Variants in PPP3CC observed in about 807,000 individuals in gnomAD.
PPP3CC encodes serine/threonine-protein phosphatase 2B catalytic subunit gamma isoform.
Under a neutral mutation model 60.3 loss-of-function variants are expected in PPP3CC, and 35 were observed. The observed-to-expected ratio is 0.58, with a 90% CI of 0.44 to 0.77. The LOEUF is 0.77. Among genes scored for constraint, PPP3CC ranks in the 30% least tolerant of loss-of-function variants. PPP3CC has a pLI of 0.00. For missense variants in PPP3CC, 570 were observed against 628.9 expected (o/e 0.91, Z 1.00); for synonymous variants, 206 against 224.3 (o/e 0.92, Z 0.73).
intron 1 of PPP3CC, among the ~76,000 whole-genome samples, chr8:22,445,187 G>A (rs1439389342): frequency 6.6e-6 from 1 of 152,078 alleles, no homozygotes; most frequent in African/African-American, 2.4e-5. Flanking sequence ...TAATATCGTG[G>A]CACTGGGAAT....
intron 1 of PPP3CC, among the ~76,000 whole-genome samples, chr8:22,446,077 T>TA (rs1836812918): frequency 6.6e-6 from 1 of 152,360 alleles, no homozygotes; most frequent in African/African-American, 2.4e-5. Context: ...AAAATAGGAT[T>TA]AAAAATTTTT....
chr8:22,540,680 A>G lies in PPP3CC; in HGVS notation c.1417A>G (p.Ile473Val). 1 of 1,614,150 alleles carries G rather than the reference A, an allele frequency of 6.2e-7. No individual in the cohort carries two copies. Reference protein sequence around the residue: ...SFEEARGLDRINERMPPRKDS... With the variant: ...SFEEARGLDRVNERMPPRKDS... ...TGAAGAAGCGCGAGGTCTGGACCGAATTAATGAGCGAATGCCACCCCGAAA... is the reference window on the plus strand; with the variant it reads ...TGAAGAAGCGCGAGGTCTGGACCGAGTTAATGAGCGAATGCCACCCCGAAA... Residue 473 changes from isoleucine (I) to valine (V), a missense_variant, in exon 14 of 14, where the codon ATT becomes GTT. Coordinates refer to ENST00000240139, the MANE Select transcript of PPP3CC (RefSeq NM_005605.5).
chr8:22,518,225 C>A (rs1363064768), intron 6 of PPP3CC, among the ~76,000 whole-genome samples: 2 of 152,004 alleles, frequency 1.3e-5, no homozygotes, highest in African/African-American at 4.8e-5. Flanking sequence ...CCATGCCCAG[C>A]TAATTGTTTT....
At chr8:22,473,451 T>C (rs1429354414) in intron 1 of PPP3CC, among the ~76,000 whole-genome samples, 1 of 148,206 alleles carries the variant, frequency 6.7e-6, no homozygotes, top group Non-Finnish European at 1.5e-5. Flanking sequence ...AAAACATAAC[T>C]GGACTTCCCT....
intron 1 of PPP3CC, among the ~76,000 whole-genome samples, 167 bp downstream of exon 1, chr8:22,441,625 C>T (rs1160335280): frequency 2.6e-5 from 4 of 152,214 alleles, no homozygotes; most frequent in Admixed American, 6.5e-5. Context: ...CACCCGGACC[C>T]GGCGTTTTCT....
intron 3 of PPP3CC, among the ~76,000 whole-genome samples, chr8:22,484,399 T>C (rs1314082074): frequency 3.3e-5 from 5 of 152,232 alleles, no homozygotes; most frequent in East Asian, 1.9e-4. Flanking sequence ...TAAATTCTTA[T>C]GGCTTTTGTT....
chr8:22,496,100 T>A lies in PPP3CC; in HGVS notation c.373-1901T>A, dbSNP rs1466091238. Among the ~76,000 whole-genome samples the A allele has an allele frequency of 9.3e-5, 14 of 151,284 alleles. 1 individual carries two copies. Among genetic ancestry groups the A allele is most frequent in the African/African-American group, 1.5e-4 (6 of 41,336 alleles). On this transcript the variant is annotated intron_variant, in intron 3 of 13. Coordinates refer to ENST00000240139, the MANE Select transcript of PPP3CC (RefSeq NM_005605.5). ...TGGATCTAACTTTATGTTTTTTTTT[T>A]AAAATGGCAACCACTTGTCCCAGAG...
chr8:22,474,198 A>T (rs1391867142), intron 1 of PPP3CC, among the ~76,000 whole-genome samples: 2 of 152,038 alleles, frequency 1.3e-5, no homozygotes, highest in Admixed American at 1.3e-4. Context: ...CCCGGCCGAG[A>T]CTTCTAAAAC....
chr8:22,500,118 A>G (rs1419337974), intron 4 of PPP3CC, among the ~76,000 whole-genome samples: 1 of 152,222 alleles, frequency 6.6e-6, no homozygotes, highest in East Asian at 1.9e-4. Context: ...GGGCAGGCAC[A>G]TTTTAAAGAC....
intron 6 of PPP3CC, among the ~76,000 whole-genome samples, chr8:22,518,389 A>C (rs1839310557): frequency 6.6e-6 from 1 of 152,128 alleles, no homozygotes; most frequent in African/African-American, 2.4e-5. Flanking sequence ...TGTATTTGTG[A>C]ATTTTCCTGT....
intron 6 of PPP3CC, among the ~76,000 whole-genome samples, chr8:22,514,044 G>A (rs1266436387): frequency 2.6e-5 from 4 of 152,026 alleles, no homozygotes; most frequent in Admixed American, 1.3e-4. Flanking sequence ...CCAGGAGTTC[G>A]AGACCAGCCT....
At chr8:22,522,010 A>G (rs893903767) in intron 6 of PPP3CC, among the ~76,000 whole-genome samples, 13 of 151,470 alleles carry the variant, frequency 8.6e-5, no homozygotes, top group African/African-American at 3.2e-4. Context: ...GTATATATGT[A>G]TTCCTGCATA....
At position 22,527,535 on chromosome 8, in the gene PPP3CC, CAT is replaced by C. The variant is rs1445900659; in HGVS notation, c.1069+19_1069+20del. The C allele has an allele frequency of 6.2e-7, 1 of 1,611,870 alleles. No homozygotes were observed. Among genetic ancestry groups the C allele is most frequent in the Non-Finnish European group, 8.5e-7 (1 of 1,178,938 alleles). The stretch of plus-strand genomic sequence containing the variant: ...GGAAAAAGGTAAGAGAACTAAAGCA[CAT>C]GTCTCATCAGTTGTTTGGTGACTGA... On this transcript the variant is annotated intron_variant, in intron 9 of 13. Coordinates refer to ENST00000240139, the MANE Select transcript of PPP3CC (RefSeq NM_005605.5).
At chr8:22,444,133 G>C (rs146224900) in intron 1 of PPP3CC, among the ~76,000 whole-genome samples, 1 of 152,090 alleles carries the variant, frequency 6.6e-6, no homozygotes, top group African/African-American at 2.4e-5. Context: ...GCTCACACCT[G>C]TAATGCCAGC....
At chr8:22,518,458 C>T (rs185558747) in intron 6 of PPP3CC, among the ~76,000 whole-genome samples, 262 of 152,184 alleles carry the variant, frequency 1.7e-3, no homozygotes, top group Admixed American at 2.4e-3. Context: ...ATACTTAGGA[C>T]GATTTACATC....
chr8:22,450,158 C>T (rs1264639418), intron 1 of PPP3CC, among the ~76,000 whole-genome samples: 1 of 151,996 alleles, frequency 6.6e-6, no homozygotes. Flanking sequence ...CGTGAGCCAC[C>T]GCGCCCGGCT....
chr8:22,456,015 C>T (rs889577674), intron 1 of PPP3CC, among the ~76,000 whole-genome samples: 2 of 152,078 alleles, frequency 1.3e-5, no homozygotes, highest in Non-Finnish European at 2.9e-5. Flanking sequence ...TTTAGCAGTG[C>T]GTGTTCATGA....
intron 3 of PPP3CC, among the ~76,000 whole-genome samples, chr8:22,479,573 G>A (rs957058165): frequency 4.0e-5 from 6 of 151,650 alleles, no homozygotes; most frequent in Non-Finnish European, 5.9e-5. Context: ...GTGAAACCTC[G>A]TCTGTACTAA....
chr8:22,503,596 TA>T (rs1288247608), intron 4 of PPP3CC, among the ~76,000 whole-genome samples: 2 of 152,188 alleles, frequency 1.3e-5, no homozygotes, highest in Non-Finnish European at 2.9e-5. Context: ...GATATTTTGA[TA>T]CAGGGATGCA....
Sources: allele counts gnomAD v4.1 joint callset (sites outside exome capture counted in the v4.1 genomes callset), GRCh38; gene constraint gnomAD v4.1.1; transcripts MANE v1.5; gene names NCBI Gene and HGNC (gene_info 2026-07-23, HGNC 2026-07-21).